The following BRINP1 variants were observed in gnomAD, a reference collection of about 807,000 sequenced individuals.
BRINP1 encodes the protein BMP/retinoic acid-inducible neural-specific protein 1.
BRINP1 carries 17 observed loss-of-function variants against 72.9 expected under a neutral mutation model. The ratio of observed to expected loss-of-function variants is 0.23; its 90% CI spans 0.16 to 0.35. BRINP1 has a LOEUF of 0.35. Ranked by LOEUF, BRINP1 falls within the 10% of genes least tolerant of loss-of-function variation. BRINP1 has a pLI of 1.00. For synonymous variants in BRINP1, 418 were observed against 378.5 expected, an observed-to-expected ratio of 1.10 and a Z score of -1.21; for missense variants, 850 against 1,001.6, an observed-to-expected ratio of 0.85 and a Z score of 2.04.
At chr9:119,211,204 ATTT>A (rs1829923536) in intron 6 of BRINP1, among the ~76,000 whole-genome samples, 2 of 150,100 alleles carry the variant, frequency 1.3e-5, no homozygotes, top group Non-Finnish European at 3.0e-5. Flanking sequence ...TTATTTATTT[ATTT>A]ATTTTTTGAG....
At chr9:119,265,718 TCA>T (rs1830541436) in intron 2 of BRINP1, among the ~76,000 whole-genome samples, 7 of 152,210 alleles carry the variant, frequency 4.6e-5, no homozygotes, top group Admixed American at 1.3e-4. Flanking sequence ...ATTCTTTCAA[TCA>T]GTACCTTTTT....
intron 7 of BRINP1, among the ~76,000 whole-genome samples, chr9:119,193,248 G>A (rs1016702391): frequency 6.6e-6 from 1 of 152,064 alleles, no homozygotes; most frequent in African/African-American, 2.4e-5. Flanking sequence ...CTTCAAAAGT[G>A]TGATATCCTA....
intron 1 of BRINP1, among the ~76,000 whole-genome samples, chr9:119,323,489 G>A (rs941291132): frequency 1.3e-5 from 2 of 152,112 alleles, no homozygotes; most frequent in African/African-American, 4.8e-5. Flanking sequence ...ACAGGAAACT[G>A]GAATAATCTC....
intron 1 of BRINP1, among the ~76,000 whole-genome samples, chr9:119,366,895 A>T (rs926606517): frequency 1.3e-5 from 2 of 151,862 alleles, no homozygotes; most frequent in African/African-American, 4.8e-5. Context: ...TCTGCTCTTT[A>T]ATATTCCTTC....
intron 2 of BRINP1, among the ~76,000 whole-genome samples, chr9:119,276,898 G>C (rs934253802): frequency 6.6e-6 from 1 of 152,088 alleles, no homozygotes; most frequent in Admixed American, 6.6e-5. Flanking sequence ...AGTTCCATGA[G>C]TTTTGACAAA....
chr9:119,246,323 G>A (rs1830315994), intron 3 of BRINP1, among the ~76,000 whole-genome samples: 1 of 152,162 alleles, frequency 6.6e-6, no homozygotes, highest in Non-Finnish European at 1.5e-5. Context: ...ATCTGTGTGG[G>A]TACAATCTAA....
chr9:119,353,061 GCTCCAATCTC>G lies in BRINP1; in HGVS notation c.-51+15985_-51+15994del, dbSNP rs563664037. On this transcript the variant is annotated intron_variant, in intron 1 of 7. Coordinates refer to ENST00000265922, the MANE Select transcript of BRINP1 (RefSeq NM_014618.3). The stretch of plus-strand genomic sequence containing the variant: ...CAAGGCTTTTCAAACACCTCCCATA[GCTCCAATCTC>G]CTCCTTGACTTCATTTTATGGCCTA... 1.1e-3 allele frequency among the ~76,000 whole-genome samples: 170 copies of G among 152,274 alleles called. 1 individual carries two copies. Among genetic ancestry groups the G allele is most frequent in the South Asian group, 3.3e-3 (16 of 4,820 alleles).
At chr9:119,237,998 C>A (rs958639645) in intron 5 of BRINP1, among the ~76,000 whole-genome samples, 1 of 152,114 alleles carries the variant, frequency 6.6e-6, no homozygotes, top group Non-Finnish European at 1.5e-5. Context: ...GATCATGCCA[C>A]CCATTCCATC....
chr9:119,355,462 C>T (rs1025089927), intron 1 of BRINP1, among the ~76,000 whole-genome samples: 5 of 152,104 alleles, frequency 3.3e-5, no homozygotes, highest in African/African-American at 4.8e-5. Context: ...GGCACGGTGG[C>T]TCACGCCTGT....
intron 3 of BRINP1, among the ~76,000 whole-genome samples, chr9:119,245,659 C>G (rs528078670): frequency 1.3e-5 from 2 of 152,190 alleles, no homozygotes; most frequent in Non-Finnish European, 1.5e-5. Context: ...ATTCCCATAG[C>G]CTTCCCTTCC....
chr9:119,169,393 C>T (rs1318828753), intron 7 of BRINP1, among the ~76,000 whole-genome samples: 2 of 148,862 alleles, frequency 1.3e-5, no homozygotes, highest in Non-Finnish European at 2.9e-5. Flanking sequence ...AATCGGGTCA[C>T]TCCCCCACCG....
chr9:119,323,418 C>T (rs1831209645), intron 1 of BRINP1, among the ~76,000 whole-genome samples: 1 of 152,168 alleles, frequency 6.6e-6, no homozygotes, highest in South Asian at 2.1e-4. Context: ...GGGCCACCTA[C>T]AAGGGAAAAC....
intron 2 of BRINP1, among the ~76,000 whole-genome samples, chr9:119,275,503 G>A (rs993936300): frequency 3.3e-5 from 5 of 152,164 alleles, no homozygotes; most frequent in African/African-American, 9.7e-5. Context: ...CCAACTGATG[G>A]TTCTAAGAAG....
At position 119,167,858 on chromosome 9, in the gene BRINP1, G is replaced by A. The variant is rs1352854918; in HGVS notation, c.1512C>T (p.Thr504=). ...KMDSRLYVHT[T]FISNEIRLDT... ...CGAGGCGGATCTCGTTGCTGATGAA[G>A]GTGGTGTGGACGTAGAGGCGTGAGT... The change falls in exon 8 of 8, where the codon ACC becomes ACT. Residue 504 remains threonine, a synonymous_variant. Transcript: ENST00000265922. The surrounding 1 kb of genome is among the most constrained non-coding windows in gnomAD (Gnocchi z 4.3). 1.9e-6 allele frequency: 3 copies of A among 1,614,100 alleles called. No individual in the cohort carries two copies. The highest frequency in any genetic ancestry group is 2.5e-6 in the Non-Finnish European group (3 of 1,180,056).
intron 2 of BRINP1, among the ~76,000 whole-genome samples, chr9:119,258,253 G>A (rs974331229): frequency 6.6e-6 from 1 of 152,124 alleles, no homozygotes; most frequent in Admixed American, 6.5e-5. Flanking sequence ...ACTGGAAGGG[G>A]ACTATGTGTG....
intron 1 of BRINP1, among the ~76,000 whole-genome samples, chr9:119,336,698 C>G (rs540592314): frequency 5.9e-5 from 9 of 152,224 alleles, no homozygotes; most frequent in African/African-American, 2.2e-4. Context: ...CTGGTCTGCT[C>G]TCAGCAGGTC....
chr9:119,313,068 A>G (rs1831085280), intron 2 of BRINP1, 70 bp downstream of exon 2: 1 of 1,520,604 alleles, frequency 6.6e-7, no homozygotes, highest in African/African-American at 1.4e-5. Flanking sequence ...CAAGGTTTGC[A>G]CCAATCAACG....
chr9:119,242,538 C>T (rs56918493), intron 3 of BRINP1, among the ~76,000 whole-genome samples: 12,677 of 152,218 alleles, frequency 0.083, 1,434 homozygotes, highest in African/African-American at 0.26. Context: ...CTCTTCTATA[C>T]AATGGCAAAT....
At chr9:119,300,602 C>T (rs1830929772) in intron 2 of BRINP1, among the ~76,000 whole-genome samples, 1 of 152,174 alleles carries the variant, frequency 6.6e-6, no homozygotes, top group African/African-American at 2.4e-5. Flanking sequence ...TAGTCCCCTC[C>T]TTCTTAAAGC....
Sources: gnomAD v4.1 joint callset for allele counts (sites outside exome capture counted in the v4.1 genomes callset) on GRCh38, gnomAD v4.1.1 for gene constraint, Gnocchi (gnomAD v3.1) non-coding constraint, MANE v1.5 for transcripts, NCBI Gene and HGNC (gene_info 2026-07-23, HGNC 2026-07-21) for gene names.